NKAIN3: variants seen among roughly 807,000 people sequenced by gnomAD.
The protein encoded by NKAIN3 is sodium/potassium transporting ATPase interacting 3, also known as sodium/potassium-transporting ATPase subunit beta-1-interacting protein 3.
A neutral mutation model predicts 30.2 loss-of-function variants in NKAIN3; 25 were observed. That is an observed-to-expected ratio of 0.83 (90% CI 0.60 to 1.16). The LOEUF is 1.16. Ranked by LOEUF, NKAIN3 falls within the 50% of genes most tolerant of loss-of-function variation. The probability of loss-of-function intolerance (pLI) is 0.00; values close to 1 mark genes in which losing one functional copy is unlikely to be tolerated. For synonymous variants in NKAIN3, 91 were observed against 89.6 expected, an observed-to-expected ratio of 1.02 and a Z score of -0.09; for missense variants, 225 against 254.1, an observed-to-expected ratio of 0.89 and a Z score of 0.78.
chr8:62,634,531 T>G (rs776117771), intron 3 of NKAIN3, among the ~76,000 whole-genome samples: 1 of 152,200 alleles, frequency 6.6e-6, no homozygotes, highest in Non-Finnish European at 1.5e-5. Flanking sequence ...CAACAGGACC[T>G]AGACCAAACC....
intron 4 of NKAIN3, among the ~76,000 whole-genome samples, chr8:62,788,555 A>C (rs181932435): frequency 6.6e-6 from 1 of 152,152 alleles, no homozygotes; most frequent in African/African-American, 2.4e-5. Flanking sequence ...TCCGTTTGTC[A>C]ATTTTGGCTT....
At chr8:62,985,941 C>T (rs1824191389), downstream of NKAIN3, among the ~76,000 whole-genome samples, 1 of 152,090 alleles carries the variant, frequency 6.6e-6, no homozygotes, top group Non-Finnish European at 1.5e-5. Flanking sequence ...TTTCCATTTC[C>T]ATTTATCAAA....
intron 1 of NKAIN3, among the ~76,000 whole-genome samples, chr8:62,402,127 G>T (rs1180745492): frequency 6.6e-6 from 1 of 152,108 alleles, no homozygotes; most frequent in Non-Finnish European, 1.5e-5. Context: ...TGACACCAAG[G>T]CAACAAGAAA....
At chr8:62,455,664 C>G (rs751031410) in intron 1 of NKAIN3, among the ~76,000 whole-genome samples, 3 of 152,106 alleles carry the variant, frequency 2.0e-5, no homozygotes, top group Non-Finnish European at 4.4e-5. Context: ...ACCCCCTGAA[C>G]CTACAATGAA....
chr8:62,332,760 C>T (rs1815396398), intron 1 of NKAIN3, among the ~76,000 whole-genome samples: 2 of 152,140 alleles, frequency 1.3e-5, no homozygotes, highest in South Asian at 2.1e-4. Flanking sequence ...CTGTGGCTCA[C>T]ACTTACAGTC....
Position 62,383,850 on chromosome 8 carries a change from G to A in NKAIN3, c.54+134723G>A, listed in dbSNP as rs145189434. ...AAGCACAAGGTTTTTTCACCTGCTG[G>A]TTTAGCTACAGTGACAATTTCATGA... On this transcript the variant is annotated intron_variant, in intron 1 of 6. Coordinates refer to ENST00000623646, the MANE Select transcript of NKAIN3 (RefSeq NM_001304533.3). 6.2e-3 allele frequency among the ~76,000 whole-genome samples: 938 copies of A among 150,884 alleles called. 4 individuals are homozygous for A. The highest frequency in any genetic ancestry group is 8.7e-3 in the Non-Finnish European group (592 of 67,818).
chr8:62,928,903 A>C (rs1445133299), intron 5 of NKAIN3, among the ~76,000 whole-genome samples: 1 of 152,222 alleles, frequency 6.6e-6, no homozygotes, highest in Non-Finnish European at 1.5e-5. Flanking sequence ...CCTCGCAGAC[A>C]GGGAGACCCC....
At chr8:62,924,768 G>C (rs1389691585) in intron 5 of NKAIN3, among the ~76,000 whole-genome samples, 3 of 152,168 alleles carry the variant, frequency 2.0e-5, no homozygotes, top group Non-Finnish European at 4.4e-5. Context: ...ACAGAGTTCT[G>C]TTGTGAAAAG....
Position 62,971,228 on chromosome 8 carries a change from C to T in NKAIN3, c.*5821C>T, listed in dbSNP as rs1823827829. Among the ~76,000 whole-genome samples the T allele has an allele frequency of 6.6e-6, 1 of 152,170 alleles. No homozygotes were observed. Among genetic ancestry groups the T allele is most frequent in the Non-Finnish European group, 1.5e-5 (1 of 68,038 alleles). ...CCTTTAAGGATATGCCTCAGAAATA[C>T]ACACACTACTTCTGTTTACATCTCA... On this transcript the variant is annotated 3_prime_UTR_variant, in exon 7 of 7. Transcript: ENST00000623646.
chr8:62,421,966 C>T (rs1317682327), intron 1 of NKAIN3, among the ~76,000 whole-genome samples: 3 of 152,024 alleles, frequency 2.0e-5, no homozygotes, highest in African/African-American at 7.2e-5. Flanking sequence ...CACACAGTGG[C>T]TCAGAGAACC....
chr8:62,403,025 T>C (rs1803937435), intron 1 of NKAIN3, among the ~76,000 whole-genome samples: 1 of 152,136 alleles, frequency 6.6e-6, no homozygotes, highest in African/African-American at 2.4e-5. Flanking sequence ...ATGCTGATAG[T>C]GATATGGACA....
chr8:62,868,714 A>G (rs764655619), intron 4 of NKAIN3, among the ~76,000 whole-genome samples: 2 of 152,180 alleles, frequency 1.3e-5, no homozygotes, highest in African/African-American at 2.4e-5. Context: ...GGAAAATTGC[A>G]TGCATTCAAC....
chr8:62,765,629 A>T (rs889352314), intron 4 of NKAIN3, among the ~76,000 whole-genome samples: 1 of 152,206 alleles, frequency 6.6e-6, no homozygotes, highest in Non-Finnish European at 1.5e-5. Context: ...ATAAGAAGTT[A>T]ATTACATTAC....
chr8:62,345,337 A>G (rs868280440), intron 1 of NKAIN3, among the ~76,000 whole-genome samples: 1 of 15,062 alleles, frequency 6.6e-5, no homozygotes, highest in African/African-American at 1.1e-4. Context: ...ACATATATGT[A>G]TATATACACA....
intron 1 of NKAIN3, among the ~76,000 whole-genome samples, chr8:62,309,659 G>T (rs977059185): frequency 6.7e-6 from 1 of 150,292 alleles, no homozygotes; most frequent in Non-Finnish European, 1.5e-5. Flanking sequence ...GACCCATCTA[G>T]TGTGTGTTTC....
At chr8:62,507,845 G>A (rs1807692391) in intron 1 of NKAIN3, among the ~76,000 whole-genome samples, 1 of 152,202 alleles carries the variant, frequency 6.6e-6, no homozygotes, top group African/African-American at 2.4e-5. Flanking sequence ...AGGGATGGCA[G>A]AAAGGACACG....
intron 1 of NKAIN3, among the ~76,000 whole-genome samples, chr8:62,462,234 C>G (rs754766206): frequency 2.6e-5 from 4 of 151,962 alleles, no homozygotes; most frequent in Non-Finnish European, 4.4e-5. Flanking sequence ...TCCATTTTTT[C>G]AAAGAAGTTA....
chr8:62,835,659 G>C (rs80307540), intron 4 of NKAIN3, among the ~76,000 whole-genome samples: 3 of 151,832 alleles, frequency 2.0e-5, no homozygotes, highest in Admixed American at 6.6e-5. Flanking sequence ...TACCCTAGTC[G>C]CAATGGCTAT....
downstream of NKAIN3, among the ~76,000 whole-genome samples, chr8:62,985,976 G>A (rs1257997128): frequency 6.6e-6 from 1 of 152,150 alleles, no homozygotes; most frequent in East Asian, 1.9e-4. Context: ...TAGTCTCAGA[G>A]TGTCTATCTA....
Sources: gnomAD v4.1 joint callset for allele counts (sites outside exome capture counted in the v4.1 genomes callset) on GRCh38, gnomAD v4.1.1 for gene constraint, MANE v1.5 for transcripts, NCBI Gene and HGNC (gene_info 2026-07-23, HGNC 2026-07-21) for gene names.